WDPCP: variants seen among roughly 807,000 people sequenced by gnomAD.
WDPCP encodes the protein WD repeat-containing and planar cell polarity effector protein fritz homolog.
A neutral mutation model predicts 93.1 loss-of-function variants in WDPCP; 71 were observed. That is an observed-to-expected ratio of 0.76 (90% CI 0.63 to 0.93). WDPCP has a LOEUF of 0.93. Among genes scored for constraint, WDPCP ranks in the 40% least tolerant of loss-of-function variants. The probability of loss-of-function intolerance (pLI) is 0.00; values close to 1 mark genes in which losing one functional copy is unlikely to be tolerated. For missense variants in WDPCP, 844 were observed against 887.4 expected, an observed-to-expected ratio of 0.95 and a Z score of 0.62; for synonymous variants, 315 against 315.0, an observed-to-expected ratio of 1.00 and a Z score of 0.00.
chr2:63,469,726 G>A lies in WDPCP; in HGVS notation c.384+14878C>T, dbSNP rs899059193. ...ATGGAGTGTGGGAGGTGGGAGAGGA[G>A]CAAAAGAAATCACTACTGGGTACTC... On this transcript the variant is annotated intron_variant, in intron 6 of 17. Coordinates refer to ENST00000272321, the MANE Select transcript of WDPCP (RefSeq NM_015910.7). Among the ~76,000 whole-genome samples the A allele has an allele frequency of 5.3e-5, 8 of 152,206 alleles. No homozygotes were observed. The South Asian group carries it at 1.7e-3, about 32-fold the overall frequency.
intron 14 of WDPCP, among the ~76,000 whole-genome samples, chr2:63,224,983 T>C (rs192665684): frequency 1.3e-5 from 2 of 151,804 alleles, no homozygotes; most frequent in Admixed American, 6.6e-5. Flanking sequence ...AAGACTGTTA[T>C]ATGTGTGGGA....
At chr2:63,491,446 C>T (rs550837660) in intron 2 of WDPCP, among the ~76,000 whole-genome samples, 1 of 152,314 alleles carries the variant, frequency 6.6e-6, no homozygotes, top group East Asian at 1.9e-4. Flanking sequence ...AAAGGACTCC[C>T]TCAAACGTCT....
chr2:63,744,821 C>A (rs1341809059), intron 2 of WDPCP, among the ~76,000 whole-genome samples: 1 of 152,042 alleles, frequency 6.6e-6, no homozygotes, highest in Non-Finnish European at 1.5e-5. Flanking sequence ...TTCCCCTACC[C>A]ACCCCACCTC....
intron 1 of WDPCP, among the ~76,000 whole-genome samples, chr2:63,505,289 G>C (rs749507784): frequency 3.9e-5 from 6 of 151,934 alleles, no homozygotes; most frequent in Non-Finnish European, 8.8e-5. Flanking sequence ...GTTGAATAGA[G>C]AACCAAAGTA....
In WDPCP at chr2:63,595,029, A is replaced by G. The variant is rs1486523878; in HGVS notation, n.488+55630T>C. On this transcript the variant is annotated intron_variant and non_coding_transcript_variant, in intron 3 of 4. Coordinates refer to the WDPCP transcript ENST00000467687. ...ACTAAAATCCTTTTCTAAGGTATTCATTTATTCAGTTTCTTGACCCATGGA... is the reference window on the plus strand; with the variant it reads ...ACTAAAATCCTTTTCTAAGGTATTCGTTTATTCAGTTTCTTGACCCATGGA... 1.1e-5 allele frequency: 3 copies of G among 284,778 alleles called. No homozygotes were observed. In the East Asian group the frequency reaches 3.0e-4, roughly 29 times the overall value. The allele number at this position is 284,778 out of a possible 1,614,324, so 17.6% of individuals were successfully genotyped here.
At chr2:63,688,136 A>G (rs898526610) in intron 2 of WDPCP, among the ~76,000 whole-genome samples, 1 of 152,354 alleles carries the variant, frequency 6.6e-6, no homozygotes, top group African/African-American at 2.4e-5. Context: ...GCTAAAAGTT[A>G]AAACGATTGG....
At chr2:63,405,438 A>G (rs542390237) in intron 9 of WDPCP, among the ~76,000 whole-genome samples, 2 of 152,312 alleles carry the variant, frequency 1.3e-5, no homozygotes, top group Non-Finnish European at 2.9e-5. Context: ...TAGAAAATAC[A>G]GTATTCCCAG....
intron 13 of WDPCP, among the ~76,000 whole-genome samples, chr2:63,301,361 T>A (rs1037956203): frequency 1.3e-5 from 2 of 152,186 alleles, no homozygotes; most frequent in African/African-American, 4.8e-5. Context: ...GAGTGGCACT[T>A]AATTAGTAAG....
At chr2:63,146,098 C>T (rs1388297324) in intron 17 of WDPCP, among the ~76,000 whole-genome samples, 1 of 152,142 alleles carries the variant, frequency 6.6e-6, no homozygotes, top group East Asian at 1.9e-4. Context: ...GCTGAAGGAG[C>T]TTCTGGGCTG....
chr2:63,156,026 G>A lies in WDPCP; in HGVS notation c.2079-2452C>T, dbSNP rs1475055819. Among the ~76,000 whole-genome samples, 13 of 152,074 alleles carry A rather than the reference G, an allele frequency of 8.5e-5. 1 individual carries two copies. Among genetic ancestry groups the A allele is most frequent in the Non-Finnish European group, 1.5e-5 (1 of 68,012 alleles). On this transcript the variant is annotated intron_variant, in intron 15 of 17. Coordinates refer to ENST00000272321, the MANE Select transcript of WDPCP (RefSeq NM_015910.7). ...TTTGTTTATTTATTTATTTGACAGA[G>A]TCTCGCTCTGTTGCTCAGACTGGAG...
intron 14 of WDPCP, among the ~76,000 whole-genome samples, chr2:63,199,881 C>T (rs1675768632): frequency 1.3e-5 from 2 of 152,216 alleles, no homozygotes; most frequent in South Asian, 2.1e-4. Flanking sequence ...AGGCACTCAA[C>T]AGCAGCTCAT....
intron 6 of WDPCP, among the ~76,000 whole-genome samples, chr2:63,447,747 T>C (rs1308392151): frequency 1.3e-5 from 2 of 152,112 alleles, no homozygotes; most frequent in African/African-American, 4.8e-5. Context: ...GAGGTAGATA[T>C]AGATCATTGA....
chr2:63,723,695 C>A (rs907953140), intron 2 of WDPCP, among the ~76,000 whole-genome samples: 1 of 152,212 alleles, frequency 6.6e-6, no homozygotes, highest in African/African-American at 2.4e-5. Context: ...ACACCTCTGG[C>A]CCCACCCAAT....
At chr2:63,650,397 C>T (rs1710095544) in intron 3 of WDPCP, among the ~76,000 whole-genome samples, 1 of 152,182 alleles carries the variant, frequency 6.6e-6, no homozygotes, top group Admixed American at 6.5e-5. Context: ...GACTTTATCC[C>T]ACTGAAAAAC....
At chr2:63,194,319 A>G (rs1675261488) in intron 14 of WDPCP, among the ~76,000 whole-genome samples, 1 of 152,142 alleles carries the variant, frequency 6.6e-6, no homozygotes, top group African/African-American at 2.4e-5. Flanking sequence ...AAAGAAAAAA[A>G]AATAGTGTTA....
At chr2:63,570,663 T>C (rs936485669) in intron 1 of WDPCP, among the ~76,000 whole-genome samples, 2 of 152,214 alleles carry the variant, frequency 1.3e-5, no homozygotes, top group African/African-American at 2.4e-5. Context: ...AAAAACAGAA[T>C]GCCAAGTACA....
chr2:63,506,792 G>A (rs1055794199), intron 1 of WDPCP, among the ~76,000 whole-genome samples: 3 of 152,028 alleles, frequency 2.0e-5, no homozygotes, highest in African/African-American at 7.2e-5. Context: ...ATTGAAAATG[G>A]ACTCGTGAGA....
At chr2:63,732,273 G>T (rs1228276481) in intron 2 of WDPCP, among the ~76,000 whole-genome samples, 2 of 152,174 alleles carry the variant, frequency 1.3e-5, no homozygotes, top group Admixed American at 6.5e-5. Flanking sequence ...GGGACATAAA[G>T]AAGAGTACCA....
intron 12 of WDPCP, among the ~76,000 whole-genome samples, chr2:63,368,617 C>A (rs906270033): frequency 1.3e-5 from 2 of 151,370 alleles, no homozygotes; most frequent in African/African-American, 4.9e-5. Flanking sequence ...TGAGCCACCA[C>A]GCCCAGCCAA....
Sources: allele counts gnomAD v4.1 joint callset (sites outside exome capture counted in the v4.1 genomes callset), GRCh38; gene constraint gnomAD v4.1.1; transcripts MANE v1.5; gene names NCBI Gene and HGNC (gene_info 2026-07-23, HGNC 2026-07-21).